The following ADD3 variants were observed in gnomAD, a reference collection of about 807,000 sequenced individuals.
The protein encoded by ADD3 is gamma-adducin.
Under a neutral mutation model 80.2 loss-of-function variants are expected in ADD3, and 25 were observed. That is an observed-to-expected ratio of 0.31 (90% confidence interval 0.23 to 0.44). ADD3 has a LOEUF of 0.44. ADD3 is among the 20% of genes least tolerant of loss of function. The probability of loss-of-function intolerance (pLI) is 1.00; values close to 1 mark genes in which losing one functional copy is unlikely to be tolerated. For synonymous variants in ADD3, 284 were observed against 289.6 expected (o/e 0.98, Z 0.20); for missense variants, 829 against 847.5 (o/e 0.98, Z 0.27).
At chr10:110,122,816 G>T (rs1327139123) in intron 9 of ADD3, among the ~76,000 whole-genome samples, 1 of 151,234 alleles carries the variant, frequency 6.6e-6, no homozygotes, top group African/African-American at 2.4e-5. Context: ...ACTTTTTGTA[G>T]AGATAGGGTT....
intron 1 of ADD3, among the ~76,000 whole-genome samples, chr10:110,088,775 A>G (rs1054002986): frequency 3.9e-5 from 6 of 152,046 alleles, no homozygotes; most frequent in African/African-American, 1.4e-4. Context: ...TTTTCCTCCA[A>G]TTTTTAAAAT....
chr10:110,099,781 G>C (rs1465085898), intron 1 of ADD3, among the ~76,000 whole-genome samples: 1 of 152,086 alleles, frequency 6.6e-6, no homozygotes. Flanking sequence ...TTTCTATTCT[G>C]CATGGCCAAA....
At chr10:110,094,238 A>G (rs149299639) in intron 1 of ADD3, among the ~76,000 whole-genome samples, 62 of 152,204 alleles carry the variant, frequency 4.1e-4, no homozygotes, top group African/African-American at 1.4e-3. Flanking sequence ...TCTTTCTTAT[A>G]TTTCATTGAA....
intron 1 of ADD3, among the ~76,000 whole-genome samples, chr10:110,009,163 A>G (rs896647785): frequency 2.0e-5 from 3 of 152,162 alleles, no homozygotes; most frequent in African/African-American, 7.2e-5. Flanking sequence ...TGCTGTTGCA[A>G]TTAACCTGGT....
At chr10:110,093,899 G>T (rs1219308457) in intron 1 of ADD3, among the ~76,000 whole-genome samples, 2 of 152,054 alleles carry the variant, frequency 1.3e-5, no homozygotes, top group African/African-American at 4.8e-5. Flanking sequence ...AAATCTTATT[G>T]TACTATATTC....
upstream of ADD3, chr10:110,006,013 C>CGCCGCT (rs1269130211): frequency 1.2e-5 from 3 of 242,934 alleles, no homozygotes; most frequent in Non-Finnish European, 2.5e-5. Flanking sequence ...CTGCCGCCGC[C>CGCCGCT]GCCGCTGCTG....
chr10:110,023,121 A>C (rs1853876256), intron 1 of ADD3, among the ~76,000 whole-genome samples: 1 of 152,188 alleles, frequency 6.6e-6, no homozygotes, highest in African/African-American at 2.4e-5. Flanking sequence ...AGGCATTTAG[A>C]GATAAGCAAA....
In ADD3 at chr10:110,107,474, C is replaced by T. The variant is rs577248817; in HGVS notation, c.196-5303C>T. 1.2e-4 allele frequency among the ~76,000 whole-genome samples: 18 copies of T among 152,098 alleles called. 1 individual carries two copies. In the South Asian group the frequency reaches 2.3e-3, roughly 19 times the overall value. On this transcript the variant is annotated intron_variant, in intron 2 of 14. Transcript: ENST00000356080. ...AGGCTAAAGCATGAGGTAGTAATGG[C>T]AGATAAAGCAAAAAAAATTACATAG...
chr10:110,100,506 A>C, intron 1 of ADD3, 119 bp from the exon 2 acceptor site: 1 of 514,182 alleles, frequency 1.9e-6, no homozygotes, highest in Non-Finnish European at 3.3e-6. Context: ...TTGAGAAGCT[A>C]CTTTTTAAAG....
In ADD3 at chr10:110,094,746, G is replaced by T. The variant is rs2501573; in HGVS notation, c.-29-5879G>T. On this transcript the variant is annotated intron_variant, in intron 1 of 14. Coordinates refer to ENST00000356080, the MANE Select transcript of ADD3 (RefSeq NM_016824.5). ...AGGATAGTAGCTTGTCATAGTTTGT[G>T]TAGGGTCTAAGTTGTTTTCTAGAAC... Among the ~76,000 whole-genome samples, 522 of 152,300 alleles carry T rather than the reference G, an allele frequency of 3.4e-3. 1 individual carries two copies. Among genetic ancestry groups the T allele is most frequent in the African/African-American group, 0.012 (498 of 41,566 alleles).
chr10:110,054,828 A>T (rs1309629553), intron 1 of ADD3, among the ~76,000 whole-genome samples: 1 of 151,610 alleles, frequency 6.6e-6, no homozygotes, highest in Non-Finnish European at 1.5e-5. Flanking sequence ...GTTAGCCAGG[A>T]TGGTCTCGAT....
intron 1 of ADD3, among the ~76,000 whole-genome samples, chr10:110,035,924 G>A (rs1564871364): frequency 6.6e-6 from 1 of 152,164 alleles, no homozygotes; most frequent in Non-Finnish European, 1.5e-5. Context: ...GGCTGAAGCG[G>A]CAGATCACCT....
chr10:110,118,567 G>A lies in ADD3; in HGVS notation c.568-20G>A, dbSNP rs748060526. On this transcript the variant is annotated intron_variant, in intron 5 of 14. Transcript: ENST00000356080. ...TGATACGTATATACCAGTTAAATAT[G>A]TCCTTCTGATTTTTTCCAGGTGAAA... 5 of 1,610,108 alleles carry A rather than the reference G, an allele frequency of 3.1e-6. No individual in the cohort carries two copies. The highest frequency in any genetic ancestry group is 4.3e-6 in the Non-Finnish European group (5 of 1,176,446).
At chr10:110,014,758 C>T (rs1448638270) in intron 1 of ADD3, among the ~76,000 whole-genome samples, 2 of 151,268 alleles carry the variant, frequency 1.3e-5, no homozygotes, top group African/African-American at 2.4e-5. Context: ...AACTCCCAAC[C>T]TCAGGTGATC....
Position 110,019,230 on chromosome 10 carries a change from A to G in ADD3, c.-30+10931A>G, listed in dbSNP as rs192818342. Reference sequence around the variant, plus strand: ...TTGTAAAATAACATTGTCCGTTTTCAGATTTTAGATTTGTTCCAAAGTGTC... The same window carrying G: ...TTGTAAAATAACATTGTCCGTTTTCGGATTTTAGATTTGTTCCAAAGTGTC... On this transcript the variant is annotated intron_variant, in intron 1 of 14. Transcript: ENST00000356080. Among the ~76,000 whole-genome samples, 25 of 151,996 alleles carry G rather than the reference A, an allele frequency of 1.6e-4. No homozygotes were observed. The East Asian group carries it at 4.6e-3, about 28-fold the overall frequency.
At chr10:110,038,898 T>A (rs183481222) in intron 1 of ADD3, among the ~76,000 whole-genome samples, 1 of 152,320 alleles carries the variant, frequency 6.6e-6, no homozygotes, top group Non-Finnish European at 1.5e-5. Flanking sequence ...CTTAGAAAGA[T>A]GTTACAGTAA....
rs538998842 is a variant in ADD3, at chr10:110,131,510, A to G, written c.1733-795A>G. 9.8e-5 allele frequency among the ~76,000 whole-genome samples: 15 copies of G among 152,372 alleles called. No homozygotes were observed. The South Asian group carries it at 2.5e-3, about 25-fold the overall frequency. ...CAACATACAGTTGAAATTTTCATGC[A>G]AAGCAAAATAAGCCAATAGTTAATG... On this transcript the variant is annotated intron_variant, in intron 13 of 14. Transcript: ENST00000356080.
chr10:110,024,494 A>G (rs1854051121), intron 1 of ADD3, among the ~76,000 whole-genome samples: 1 of 152,212 alleles, frequency 6.6e-6, no homozygotes, highest in Non-Finnish European at 1.5e-5. Flanking sequence ...TGTTGCATGC[A>G]CAGTTGACCA....
At chr10:110,093,038 T>C (rs1241294019) in intron 1 of ADD3, among the ~76,000 whole-genome samples, 6 of 152,188 alleles carry the variant, frequency 3.9e-5, no homozygotes, top group Non-Finnish European at 1.5e-5. Flanking sequence ...TTTACATTTT[T>C]AGTAGAGATG....
Sources: gnomAD v4.1 joint callset for allele counts (sites outside exome capture counted in the v4.1 genomes callset) on GRCh38, gnomAD v4.1.1 for gene constraint, MANE v1.5 for transcripts, NCBI Gene and HGNC (gene_info 2026-07-23, HGNC 2026-07-21) for gene names.